SLC1A6: variants seen among roughly 807,000 people sequenced by gnomAD.
SLC1A6 encodes excitatory amino acid transporter 4.
Under a neutral mutation model 42.1 loss-of-function variants are expected in SLC1A6, and 15 were observed. The ratio of observed to expected loss-of-function variants is 0.36; its 90% CI spans 0.24 to 0.55. SLC1A6 has a LOEUF of 0.55. Ranked by LOEUF, SLC1A6 falls within the 20% of genes least tolerant of loss-of-function variation. The pLI is 0.88. For synonymous variants in SLC1A6, 317 were observed against 319.7 expected, an observed-to-expected ratio of 0.99 and a Z score of 0.09; for missense variants, 542 against 772.5, an observed-to-expected ratio of 0.70 and a Z score of 3.54.
upstream of SLC1A6, among the ~76,000 whole-genome samples, chr19:14,981,914 G>C (rs113278659): frequency 1.2e-3 from 177 of 152,274 alleles, no homozygotes; most frequent in Middle Eastern, 3.4e-3. Flanking sequence ...TGTAGTCCCA[G>C]ATACTCAGGA....
Position 14,962,171 on chromosome 19 carries a change from T to C in SLC1A6, c.766A>G (p.Thr256Ala). ...TLQEMLSFEE[T>A]VPVPGSANGI... ...TTGGCGGAGCCAGGCACGGGTACAG[T>C]CTCCTCAAAGCTCAGCATCTCCTGC... Residue 256 changes from threonine (T) to alanine (A), a missense_variant, in exon 6 of 10, where the codon ACT becomes GCT. Thr to Ala is a moderately conservative substitution (Grantham distance 58, BLOSUM62 0). Coordinates refer to ENST00000594383, the MANE Select transcript of SLC1A6 (RefSeq NM_005071.3). 6.2e-7 allele frequency: 1 copy of C among 1,614,012 alleles called. No individual in the cohort carries two copies. The highest frequency in any genetic ancestry group is 1.3e-5 in the African/African-American group (1 of 74,976).
intron 1 of SLC1A6, among the ~76,000 whole-genome samples, chr19:14,986,705 C>T (rs2045794595): frequency 6.6e-6 from 1 of 151,814 alleles, no homozygotes; most frequent in Admixed American, 6.6e-5. Flanking sequence ...ATGCTTCCAC[C>T]TCAGCCTCTT....
At chr19:14,955,908 C>G (rs2045458260) in intron 7 of SLC1A6, among the ~76,000 whole-genome samples, 1 of 151,856 alleles carries the variant, frequency 6.6e-6, no homozygotes. Context: ...GCACTCCAGC[C>G]TGGGTGACAG....
chr19:14,961,910 C>T, intron 6 of SLC1A6, 92 bp downstream of exon 6: 2 of 1,503,148 alleles, frequency 1.3e-6, no homozygotes, highest in South Asian at 2.7e-5. Context: ...AATGAATGAC[C>T]AAAAGTCCCC....
rs563168551 is a variant in SLC1A6, at chr19:14,967,187, G to A, written c.548+1116C>T. ...CATATTCTAGCAGCAGCTGCTGTTG[G>A]AGAATATATACAAGGCTCCAGGGCA... On this transcript the variant is annotated intron_variant, in intron 4 of 9. Coordinates refer to ENST00000594383, the MANE Select transcript of SLC1A6 (RefSeq NM_005071.3). 2.6e-5 allele frequency among the ~76,000 whole-genome samples: 4 copies of A among 152,268 alleles called. No homozygotes were observed. In the South Asian group the frequency reaches 8.3e-4, roughly 32 times the overall value.
chr19:14,951,078 C>A (rs138610192), intron 9 of SLC1A6, among the ~76,000 whole-genome samples: 246 of 79,666 alleles, frequency 3.1e-3, no homozygotes, highest in South Asian at 4.5e-3. Flanking sequence ...ACTAAAAATA[C>A]AAAAAAAAAA....
In SLC1A6 at chr19:14,954,233, G is replaced by A. The variant is rs1181553897; in HGVS notation, c.1266C>T (p.Val422=). 6.2e-7 allele frequency: 1 copy of A among 1,614,192 alleles called. No individual in the cohort carries two copies. The highest frequency in any genetic ancestry group is 8.5e-7 in the Non-Finnish European group (1 of 1,180,044). Residue 422 remains valine, a synonymous_variant, in exon 8 of 10, where the codon GTC becomes GTT. Transcript: ENST00000594383. ...CGTAGAGGGCAGTGCCATCCATGTT[G>A]ACCGTGGCGCCCACGGGCAGGACGA... ...TRFVLPVGAT[V]NMDGTALYEA... is the part of the protein sequence containing the mutation.
At chr19:14,960,176 A>G (rs964307582) in intron 6 of SLC1A6, among the ~76,000 whole-genome samples, 2 of 152,260 alleles carry the variant, frequency 1.3e-5, no homozygotes, top group African/African-American at 4.8e-5. Context: ...TAAGGAAATA[A>G]GCAAATGAAA....
intron 3 of SLC1A6, among the ~76,000 whole-genome samples, chr19:14,970,496 G>A (rs1368283829): frequency 2.0e-5 from 3 of 151,982 alleles, no homozygotes; most frequent in African/African-American, 2.4e-5. Context: ...CGGATCACGA[G>A]GTCAGGAGAT....
At chr19:14,970,453 T>C (rs1225268227) in intron 3 of SLC1A6, among the ~76,000 whole-genome samples, 1 of 152,160 alleles carries the variant, frequency 6.6e-6, no homozygotes, top group Admixed American at 6.5e-5. Flanking sequence ...GGCTCACACC[T>C]GTAATCCCAG....
intron 1 of SLC1A6, among the ~76,000 whole-genome samples, chr19:14,996,781 A>G (rs2145237216): frequency 6.6e-6 from 1 of 152,146 alleles, no homozygotes. Context: ...TCACTCGATC[A>G]ATCAATCAAT....
chr19:14,990,026 A>G (rs1316440557), intron 1 of SLC1A6, among the ~76,000 whole-genome samples: 1 of 152,074 alleles, frequency 6.6e-6, no homozygotes, highest in Admixed American at 6.6e-5. Flanking sequence ...GGTTTCTCAA[A>G]AAGTTAAAAT....
At chr19:14,981,890 T>TACCAAAC (rs1289230652), upstream of SLC1A6, among the ~76,000 whole-genome samples, 1 of 152,068 alleles carries the variant, frequency 6.6e-6, no homozygotes, top group African/African-American at 2.4e-5. Flanking sequence ...GAGCAGGGTT[T>TACCAAAC]GGTGGCAGGT....
At chr19:14,967,647 G>A in intron 4 of SLC1A6, among the ~76,000 whole-genome samples, 1 of 152,228 alleles carries the variant, frequency 6.6e-6, no homozygotes, top group African/African-American at 2.4e-5. Context: ...CAGGGGTTAA[G>A]TCATGGACCC....
intron 1 of SLC1A6, among the ~76,000 whole-genome samples, chr19:14,992,779 G>A (rs2045826837): frequency 6.6e-6 from 1 of 152,154 alleles, no homozygotes; most frequent in Admixed American, 6.5e-5. Context: ...AGGAGGGCAG[G>A]GCAGTGCAGA....
intron 7 of SLC1A6, among the ~76,000 whole-genome samples, chr19:14,955,453 G>C (rs1188694612): frequency 6.6e-6 from 1 of 151,206 alleles, no homozygotes; most frequent in Non-Finnish European, 1.5e-5. Flanking sequence ...AACTTAGCCG[G>C]GAGGGCTAAA....
At chr19:14,966,266 T>C (rs886175299) in intron 4 of SLC1A6, among the ~76,000 whole-genome samples, 1 of 152,030 alleles carries the variant, frequency 6.6e-6, no homozygotes, top group African/African-American at 2.4e-5. Flanking sequence ...CTGAGGCAGG[T>C]AGATTACTTG....
rs150773425 is a variant in SLC1A6, at chr19:14,957,264, G to GA, written c.936-556dup. On this transcript the variant is annotated intron_variant, in intron 6 of 9. Transcript: ENST00000594383. ...TGTATTCATTCATTCCACAGATATTGACTGAGTACCTACTGAGTACCAGGC... is the reference window on the plus strand; with the variant it reads ...TGTATTCATTCATTCCACAGATATTGAACTGAGTACCTACTGAGTACCAGGC... Among the ~76,000 whole-genome samples, 859 of 152,218 alleles carry GA rather than the reference G, an allele frequency of 5.6e-3. 4 individuals are homozygous for GA. The highest frequency in any genetic ancestry group is 7.7e-3 in the Non-Finnish European group (521 of 68,018).
intron 2 of SLC1A6, among the ~76,000 whole-genome samples, chr19:14,972,143 C>T (rs375751652): frequency 4.6e-5 from 7 of 151,454 alleles, no homozygotes; most frequent in South Asian, 2.1e-4. Context: ...GGATATGTGA[C>T]GGTAGACATT....
Sources: allele counts gnomAD v4.1 joint callset (sites outside exome capture counted in the v4.1 genomes callset), GRCh38; gene constraint gnomAD v4.1.1; transcripts MANE v1.5; gene names NCBI Gene and HGNC (gene_info 2026-07-23, HGNC 2026-07-21).